NRXN2: variants seen among roughly 807,000 people sequenced by gnomAD.
NRXN2 encodes neurexin 2, also known as neurexin-2-beta.
Under a neutral mutation model 128.8 loss-of-function variants are expected in NRXN2, and 29 were observed. That is an observed-to-expected ratio of 0.23 (90% CI 0.17 to 0.31). NRXN2 has a LOEUF of 0.31. NRXN2 is among the 10% of genes least tolerant of loss of function. NRXN2 has a pLI of 1.00. For missense variants in NRXN2, 1,881 were observed against 2,452.6 expected (o/e 0.77, Z 4.92); for synonymous variants, 1,098 against 1,075.2 (o/e 1.02, Z -0.41).
In NRXN2 at chr11:64,713,444, G is replaced by T. The variant is rs200558486; in HGVS notation, c.256C>A (p.Arg86Ser). The T allele has an allele frequency of 4.8e-4, 736 of 1,518,846 alleles. 1 individual carries two copies. In the African/African-American group the frequency reaches 9.1e-3, roughly 19 times the overall value. 94.1% of individuals were successfully genotyped at this position (1,518,846 alleles called of 1,614,324 possible). A position where few individuals can be genotyped will look rare whatever the true frequency, so the allele number is the denominator to read the frequency against. Reference sequence around the variant, plus strand: ...GAAAGCGTGAAGCGCAGCCGCAGGCGGCCGTCCACCAGCAGCAGCTCCAGG... The same window carrying T: ...GAAAGCGTGAAGCGCAGCCGCAGGCTGCCGTCCACCAGCAGCAGCTCCAGG... ...DFLELLLVDG[R>S]LRLRFTLSCA... The change falls in exon 2 of 23, where the codon CGC (arginine) becomes AGC (serine). Residue 86 changes from arginine (R) to serine (S), a missense_variant. Arg to Ser is a moderately radical substitution (Grantham distance 110). Coordinates refer to ENST00000265459, the MANE Select transcript of NRXN2 (RefSeq NM_015080.4).
At position 64,660,829 on chromosome 11, in the gene NRXN2, GCCC is replaced by G. The variant is rs2048927121; in HGVS notation, c.2106_2108del (p.Gly703del). ...AGCGGTTCCAGCCTTCTCGACAGACGCCCCCATTGCGACAGGGGGCAGATGCAC... is the reference window on the plus strand; with the variant it reads ...AGCGGTTCCAGCCTTCTCGACAGACGCCATTGCGACAGGGGGCAGATGCAC... On this transcript the variant is annotated inframe_deletion, in exon 10 of 23. Transcript: ENST00000265459. This position sits in a 1 kb window ranked among gnomAD's most constrained non-coding sequence, Gnocchi z 5.2. 6.2e-7 allele frequency: 1 copy of G among 1,613,884 alleles called. No individual in the cohort carries two copies. Among genetic ancestry groups the G allele is most frequent in the African/African-American group, 1.3e-5 (1 of 74,924 alleles).
In NRXN2 at chr11:64,667,533, C is replaced by T. The variant is rs750494814; in HGVS notation, c.1515G>A (p.Ala505=). Reference sequence around the variant, plus strand: ...TGCGCTTAGCGCTCCAGCGGGGCAGCGCCACAAAGGCCTCGGGACTCTCAA... The same window carrying T: ...TGCGCTTAGCGCTCCAGCGGGGCAGTGCCACAAAGGCCTCGGGACTCTCAA... ...VTFESPEAFV[A]LPRWSAKRTG... Residue 505 remains alanine, a synonymous_variant, in exon 9 of 23, where the codon GCG becomes GCA. Coordinates refer to ENST00000265459, the MANE Select transcript of NRXN2 (RefSeq NM_015080.4). The surrounding 1 kb of genome is among the most constrained non-coding windows in gnomAD (Gnocchi z 5.6). 17 of 1,613,980 alleles carry T rather than the reference C, an allele frequency of 1.1e-5. No individual in the cohort carries two copies. The highest frequency in any genetic ancestry group is 1.6e-4 in the Middle Eastern group (1 of 6,084).
At position 64,623,412 on chromosome 11, in the gene NRXN2, T is replaced by C; in HGVS notation, c.3848-334A>G. ...CCTCTCCTCTCCAGCTCCAAGGTCATCTCCCCTCTTCATCCTCTTCCCTCA... is the reference window on the plus strand; with the variant it reads ...CCTCTCCTCTCCAGCTCCAAGGTCACCTCCCCTCTTCATCCTCTTCCCTCA... On this transcript the variant is annotated intron_variant, in intron 20 of 22. Transcript: ENST00000265459. The surrounding 1 kb of genome is among the most constrained non-coding windows in gnomAD (Gnocchi z 4.9). The C allele has an allele frequency of 5.2e-6, 2 of 383,602 alleles. No homozygotes were observed. Among genetic ancestry groups the C allele is most frequent in the South Asian group, 3.0e-5 (1 of 32,896 alleles). 23.8% of individuals were successfully genotyped at this position (383,602 alleles called of 1,614,324 possible).
chr11:64,665,447 C>T (rs934278265), intron 9 of NRXN2, among the ~76,000 whole-genome samples: 23 of 152,174 alleles, frequency 1.5e-4, no homozygotes, highest in African/African-American at 5.5e-4. Context: ...CCCTGCAGTG[C>T]CCTGCAAGGC....
chr11:64,718,245 C>T (rs565764674), intron 1 of NRXN2, among the ~76,000 whole-genome samples: 1 of 152,128 alleles, frequency 6.6e-6, no homozygotes, highest in South Asian at 2.1e-4. Context: ...TGGCCAGGGG[C>T]CCTCTCCCCG....
At chr11:64,688,542 A>C (rs1260178055) in intron 5 of NRXN2, 2 of 985,176 alleles carry the variant, frequency 2.0e-6, no homozygotes, top group African/African-American at 3.5e-5. Context: ...CACAAACAAG[A>C]TCTGGGCTGA....
intron 11 of NRXN2, among the ~76,000 whole-genome samples, chr11:64,656,384 C>CAGGAATTTCACAATAAGT (rs1565320742): frequency 2.7e-5 from 4 of 150,482 alleles, no homozygotes; most frequent in African/African-American, 9.9e-5. Flanking sequence ...GCAGAACTAA[C>CAGGAATTTCACAATAAGT]GGGAATTTCA....
intron 9 of NRXN2, among the ~76,000 whole-genome samples, chr11:64,663,334 T>G (rs1224994526): frequency 7.0e-6 from 1 of 143,828 alleles, no homozygotes; most frequent in East Asian, 2.0e-4. Context: ...GCCACTACAC[T>G]CCAGCCTGGC....
intron 17 of NRXN2, among the ~76,000 whole-genome samples, chr11:64,636,984 C>T (rs1411355623): frequency 6.6e-6 from 1 of 152,070 alleles, no homozygotes; most frequent in Admixed American, 6.5e-5. Flanking sequence ...TCTGCAGGCC[C>T]AGGGAGGTGC....
intron 6 of NRXN2, 121 bp downstream of exon 6, chr11:64,685,525 A>G: frequency 3.7e-6 from 5 of 1,341,586 alleles, no homozygotes; most frequent in Non-Finnish European, 5.3e-6. Flanking sequence ...GTTCTTCTCC[A>G]GAACCACACC....
At chr11:64,642,776 C>A (rs1408558361) in intron 17 of NRXN2, 3 of 1,178,312 alleles carry the variant, frequency 2.5e-6, no homozygotes, top group Non-Finnish European at 3.2e-6. Context: ...CGCGGGCACC[C>A]CCCCGGCCCG....
chr11:64,633,344 C>T (rs2044208241), intron 18 of NRXN2, among the ~76,000 whole-genome samples: 2 of 152,354 alleles, frequency 1.3e-5, no homozygotes, highest in Non-Finnish European at 2.9e-5. Context: ...ACACAGCATG[C>T]TCCCTACGTT....
intron 22 of NRXN2, among the ~76,000 whole-genome samples, chr11:64,615,974 G>A (rs899410061): frequency 6.6e-6 from 1 of 152,090 alleles, no homozygotes; most frequent in Non-Finnish European, 1.5e-5. Flanking sequence ...GCATGTTTCA[G>A]CAGGTAAGCG....
chr11:64,607,148 G>C lies in NRXN2; in HGVS notation c.*48C>G, dbSNP rs758947925. The C allele has an allele frequency of 1.6e-5, 25 of 1,590,424 alleles. No individual in the cohort carries two copies. The highest frequency in any genetic ancestry group is 1.7e-5 in the Admixed American group (1 of 58,992). On this transcript the variant is annotated 3_prime_UTR_variant, in exon 23 of 23. Transcript: ENST00000265459. Reference sequence around the variant, plus strand: ...AGGGAGAGGGTGGCACCCTCCTCCCGGGCCCTCCCAGGAGGGGCAGCTGGC... The same window carrying C: ...AGGGAGAGGGTGGCACCCTCCTCCCCGGCCCTCCCAGGAGGGGCAGCTGGC...
intron 17 of NRXN2, chr11:64,642,648 C>T: frequency 6.3e-7 from 1 of 1,594,242 alleles, no homozygotes; most frequent in South Asian, 1.1e-5. Context: ...TGGAGGAGAC[C>T]CGGGCCCCCT....
intron 5 of NRXN2, among the ~76,000 whole-genome samples, chr11:64,689,766 C>T (rs2053566085): frequency 6.6e-6 from 1 of 152,136 alleles, no homozygotes; most frequent in Admixed American, 6.5e-5. Flanking sequence ...ACGAAAGAGA[C>T]ACACCAAGTC....
intron 17 of NRXN2, chr11:64,643,580 A>AGAGGGAGGGAGGGAGG (rs1232237534): frequency 2.0e-5 from 2 of 100,236 alleles, no homozygotes; most frequent in African/African-American, 7.4e-5. Flanking sequence ...AGAGAGGGAG[A>AGAGGGAGGGAGGGAGG]GAGGGAGGGA....
At chr11:64,613,035 G>A (rs2040916816) in intron 22 of NRXN2, among the ~76,000 whole-genome samples, 1 of 152,244 alleles carries the variant, frequency 6.6e-6, no homozygotes, top group South Asian at 2.1e-4. Flanking sequence ...GTGCCACTGT[G>A]TATGGTGCCC....
rs1021391943 is a variant in NRXN2, at chr11:64,660,778, G to T, written c.2160C>A (p.Gly720=). 6.2e-6 allele frequency: 10 copies of T among 1,613,246 alleles called. No individual in the cohort carries two copies. Among genetic ancestry groups the T allele is most frequent in the Non-Finnish European group, 6.8e-6 (8 of 1,180,012 alleles). The change falls in exon 10 of 23, where the codon GGC becomes GGA. Residue 720 remains glycine, a synonymous_variant. Coordinates refer to ENST00000265459, the MANE Select transcript of NRXN2 (RefSeq NM_015080.4). The surrounding 1 kb of genome is among the most constrained non-coding windows in gnomAD (Gnocchi z 5.2). The stretch of plus-strand genomic sequence containing the variant: ...CTCTCTCACAGACCCGCCCAAGAAA[G>T]CCGGTCCCGATGCAGTCACAGATGA... ...NRFICDCIGT[G]FLGRVCEREA...
Sources: allele counts gnomAD v4.1 joint callset (sites outside exome capture counted in the v4.1 genomes callset), GRCh38; gene constraint gnomAD v4.1.1; non-coding constraint Gnocchi (gnomAD v3.1); transcripts MANE v1.5; gene names NCBI Gene and HGNC (gene_info 2026-07-23, HGNC 2026-07-21).